The following PCM1 variants were observed in gnomAD, a reference collection of about 807,000 sequenced individuals.
PCM1 encodes pericentriolar material 1 protein.
Under a neutral mutation model 241.9 loss-of-function variants are expected in PCM1, and 157 were observed. The ratio of observed to expected loss-of-function variants is 0.65; its 90% CI spans 0.57 to 0.74. The LOEUF (loss-of-function observed/expected upper bound fraction) is 0.74. Ranked by LOEUF, PCM1 falls within the 30% of genes least tolerant of loss-of-function variation. The pLI is 0.00. For synonymous variants in PCM1, 1,085 were observed against 784.9 expected, an observed-to-expected ratio of 1.38 and a Z score of -6.39; for missense variants, 3,478 against 2,360.1, an observed-to-expected ratio of 1.47 and a Z score of -9.81.
intron 30 of PCM1, among the ~76,000 whole-genome samples, chr8:18,009,145 G>A (rs1564352024): frequency 6.6e-6 from 1 of 152,162 alleles, no homozygotes; most frequent in African/African-American, 2.4e-5. Flanking sequence ...AAAGGTGGAA[G>A]CTTTAAAAGT....
At chr8:18,009,777 T>C in intron 31 of PCM1, 33 bp downstream of exon 31, 2 of 1,251,362 alleles carry the variant, frequency 1.6e-6, no homozygotes, top group South Asian at 2.1e-5. Flanking sequence ...TTTAGGATAA[T>C]TGACACATAA....
At chr8:17,998,252 G>A (rs1244518402) in intron 29 of PCM1, among the ~76,000 whole-genome samples, 1 of 152,010 alleles carries the variant, frequency 6.6e-6, no homozygotes, top group African/African-American at 2.4e-5. Context: ...GTTTGTGGAT[G>A]TTTGTTGGTG....
chr8:17,994,702 A>C (rs2085978099), intron 29 of PCM1, among the ~76,000 whole-genome samples: 1 of 152,040 alleles, frequency 6.6e-6, no homozygotes, highest in African/African-American at 2.4e-5. Context: ...GCCAGCATTT[A>C]TTATTGCCTG....
intron 2 of PCM1, among the ~76,000 whole-genome samples, chr8:17,935,317 A>G (rs1461642250): frequency 6.6e-6 from 1 of 152,186 alleles, no homozygotes; most frequent in Non-Finnish European, 1.5e-5. Flanking sequence ...TGTTGAATTA[A>G]GTAAGTAATC....
chr8:17,932,253 A>G (rs550132702), intron 2 of PCM1, among the ~76,000 whole-genome samples: 1 of 152,116 alleles, frequency 6.6e-6, no homozygotes, highest in Admixed American at 6.5e-5. Context: ...ACTTCATTAT[A>G]GTTCTTTCCA....
In PCM1 at chr8:17,963,144, T is replaced by C; in HGVS notation, c.2507T>C (p.Leu836Pro). 1.2e-6 allele frequency: 2 copies of C among 1,613,356 alleles called. No individual in the cohort carries two copies. The highest frequency in any genetic ancestry group is 1.7e-6 in the Non-Finnish European group (2 of 1,179,604). Residue 836 changes from leucine to proline, a missense_variant, in exon 17 of 39, where the codon CTG (leucine) becomes CCG (proline). Transcript: ENST00000325083. ...AGACATGAAATGTTGAGGGAGGAGC[T>C]GCGACAGAGAAGAAAGCAGCTTGAA... ...MRRHEMLREE[L>P]RQRRKQLEAL...
rs1267696249 is a variant in PCM1 at position 17,986,070 on chromosome 8, C to T, written c.4393C>T (p.Leu1465Phe). The T allele has an allele frequency of 1.9e-6, 3 of 1,582,114 alleles. No homozygotes were observed. The highest frequency in any genetic ancestry group is 2.6e-6 in the Non-Finnish European group (3 of 1,164,314). Reference sequence around the variant, plus strand: ...CTCAGAACTTACTCCTAGTGAGAGCCTTGCTACTACTGATGATGTAAGCTG... The same window carrying T: ...CTCAGAACTTACTCCTAGTGAGAGCTTTGCTACTACTGATGATGTAAGCTG... ...SNSELTPSES[L>F]ATTDDETFEK... The change falls in exon 26 of 39, where the codon CTT becomes TTT. Residue 1465 changes from leucine to phenylalanine, a missense_variant. Transcript: ENST00000325083.
intron 18 of PCM1, among the ~76,000 whole-genome samples, chr8:17,965,719 C>T (rs2074593371): frequency 6.6e-6 from 1 of 152,168 alleles, no homozygotes. Flanking sequence ...TGGAAAACTA[C>T]TTGTGACATA....
chr8:17,970,424 A>C (rs1005655772), intron 22 of PCM1, among the ~76,000 whole-genome samples: 3 of 146,084 alleles, frequency 2.1e-5, no homozygotes. Flanking sequence ...CTGAGTCATT[A>C]ACTGGGATTT....
rs187399919 is a variant in PCM1 at position 17,938,691 on chromosome 8, T to G, written c.343-49T>G. The G allele has an allele frequency of 4.3e-3, 6,242 of 1,461,734 alleles. 35 individuals carry two copies. The highest frequency in any genetic ancestry group is 0.014 in the South Asian group (1,137 of 84,074). The allele number at this position is 1,461,734 out of a possible 1,614,324, so 90.5% of individuals were successfully genotyped here. A position where few individuals can be genotyped will look rare whatever the true frequency, so the allele number is the denominator to read the frequency against. On this transcript the variant is annotated intron_variant, in intron 4 of 38. Transcript: ENST00000325083. ...AGAACATTGGGGTTAAAACAAAATT[T>G]TGTCATAAGGTTAATGTTTGTGTGA...
At chr8:17,941,742 T>A (rs1182404698) in intron 6 of PCM1, among the ~76,000 whole-genome samples, 2 of 152,044 alleles carry the variant, frequency 1.3e-5, no homozygotes, top group Non-Finnish European at 2.9e-5. Flanking sequence ...TTGACGTTAC[T>A]ACAAGTCCAA....
intron 29 of PCM1, among the ~76,000 whole-genome samples, chr8:17,996,682 A>G (rs751005611): frequency 2.6e-5 from 4 of 151,988 alleles, no homozygotes; most frequent in Non-Finnish European, 4.4e-5. Context: ...CGTATCTGTT[A>G]TATGTATGTT....
rs570078794 is a variant in PCM1, at chr8:18,010,634, G to T, written c.5186G>T (p.Gly1729Val). The T allele has an allele frequency of 5.2e-5, 84 of 1,603,760 alleles. 2 individuals carry two copies. The South Asian group carries it at 8.9e-4, about 17-fold the overall frequency. ...GCTAAAAGGATTCTTGAAGATCATG[G>T]CTCACCTGCTGGAGAGATTGATGAT... Reference protein sequence around the residue: ...KEAKRILEDHGSPAGEIDDED... With the variant: ...KEAKRILEDHVSPAGEIDDED... Residue 1729 changes from glycine to valine, a missense_variant, in exon 32 of 39, where the codon GGC (glycine) becomes GTC (valine). Transcript: ENST00000325083.
chr8:18,005,343 G>GTGT (rs1380048437), intron 29 of PCM1, among the ~76,000 whole-genome samples: 2 of 141,894 alleles, frequency 1.4e-5, no homozygotes, highest in Admixed American at 7.1e-5. Flanking sequence ...AGGGACAGTT[G>GTGT]TGTTGTTGTT....
chr8:17,935,498 C>T (rs2060154644), intron 2 of PCM1, 91 bp from the exon 3 acceptor site: 2 of 604,830 alleles, frequency 3.3e-6, no homozygotes, highest in Non-Finnish European at 6.1e-6. Context: ...ATCAGTGCTT[C>T]AAAGATTGTA....
chr8:17,962,930 T>C (rs1458259657), intron 16 of PCM1, 171 bp from the exon 17 acceptor site: 3 of 532,372 alleles, frequency 5.6e-6, no homozygotes, highest in African/African-American at 2.0e-5. Flanking sequence ...GGCTGATTTT[T>C]TTGTAATCAT....
At chr8:17,988,779 C>G (rs1422531840) in intron 26 of PCM1, among the ~76,000 whole-genome samples, 1 of 151,864 alleles carries the variant, frequency 6.6e-6, no homozygotes, top group Admixed American at 6.6e-5. Context: ...CACTTCACAT[C>G]AAGAATGGCT....
intron 23 of PCM1, among the ~76,000 whole-genome samples, chr8:17,977,832 A>G (rs2079288855): frequency 1.3e-5 from 2 of 152,142 alleles, no homozygotes. Context: ...CACAGGAATG[A>G]GACTTCCATG....
In PCM1 at chr8:17,969,746, A is replaced by G; in HGVS notation, c.3582A>G (p.Pro1194=). 1 of 1,509,286 alleles carries G rather than the reference A, an allele frequency of 6.6e-7. No homozygotes were observed. Among genetic ancestry groups the G allele is most frequent in the Non-Finnish European group, 8.8e-7 (1 of 1,130,624 alleles). The allele number at this position is 1,509,286 out of a possible 1,614,324, so 93.5% of individuals were successfully genotyped here. The change falls in exon 22 of 39, where the codon CCA becomes CCG. Residue 1194 remains proline (P), a splice_region_variant and synonymous_variant. Transcript: ENST00000325083. ...ESSSSIGAEK[P]RNKKLPEEEV... Reference sequence around the variant, plus strand: ...GTTCCTCTATTGGAGCAGAGAAACCAAGGTACTGATTGTAAACAGTCTTTT... The same window carrying G: ...GTTCCTCTATTGGAGCAGAGAAACCGAGGTACTGATTGTAAACAGTCTTTT...
Sources: allele counts gnomAD v4.1 joint callset (sites outside exome capture counted in the v4.1 genomes callset), GRCh38; gene constraint gnomAD v4.1.1; transcripts MANE v1.5; gene names NCBI Gene and HGNC (gene_info 2026-07-23, HGNC 2026-07-21).